ASCC3: variants seen among roughly 807,000 people sequenced by gnomAD.
ASCC3 encodes the protein ASC-1 complex subunit P200.
In ASCC3, 158 loss-of-function variants were observed where a neutral mutation model predicts 256.3. The observed-to-expected ratio is 0.62, with a 90% CI of 0.54 to 0.70. The LOEUF (loss-of-function observed/expected upper bound fraction) is 0.70, where lower values mean the gene tolerates loss of function less well. ASCC3 is among the 30% of genes least tolerant of loss of function. ASCC3 has a pLI of 0.00. For missense variants in ASCC3, 2,259 were observed against 2,626.0 expected (o/e 0.86, Z 3.05); for synonymous variants, 948 against 883.4 (o/e 1.07, Z -1.30).
intron 30 of ASCC3, among the ~76,000 whole-genome samples, chr6:100,608,144 AT>A (rs1208628866): frequency 1.6e-5 from 2 of 124,990 alleles, no homozygotes; most frequent in East Asian, 4.7e-4. Context: ...ATGTATATAT[AT>A]CTATATATAC....
chr6:100,670,599 G>C (rs1354047532), intron 14 of ASCC3, among the ~76,000 whole-genome samples: 1 of 122,020 alleles, frequency 8.2e-6, no homozygotes. Context: ...CTGCAGAAAA[G>C]TCATCTGTGC....
At chr6:100,829,979 G>T (rs977891598) in intron 4 of ASCC3, among the ~76,000 whole-genome samples, 9 of 151,992 alleles carry the variant, frequency 5.9e-5, no homozygotes, top group African/African-American at 2.2e-4. Flanking sequence ...GATAATCAAG[G>T]AGGCTACTAA....
intron 3 of ASCC3, among the ~76,000 whole-genome samples, chr6:100,855,562 T>G (rs777980002): frequency 6.6e-6 from 1 of 152,232 alleles, no homozygotes; most frequent in Non-Finnish European, 1.5e-5. Context: ...TGGACATAAA[T>G]ATAACACCTC....
intron 3 of ASCC3, among the ~76,000 whole-genome samples, chr6:100,863,456 A>C (rs1260137983): frequency 6.6e-6 from 1 of 152,190 alleles, no homozygotes; most frequent in Non-Finnish European, 1.5e-5. Context: ...CTACATTAAA[A>C]TTTTAATTTA....
intron 4 of ASCC3, among the ~76,000 whole-genome samples, chr6:100,825,273 ATT>A (rs71028036): frequency 0.029 from 4,123 of 141,316 alleles, 178 homozygotes; most frequent in African/African-American, 0.095. Flanking sequence ...TTCTTTTGTG[ATT>A]TTTTTTTTTT....
At chr6:100,677,158 G>A (rs1777066739) in intron 14 of ASCC3, among the ~76,000 whole-genome samples, 1 of 152,040 alleles carries the variant, frequency 6.6e-6, no homozygotes, top group African/African-American at 2.4e-5. Context: ...GAAATATGAA[G>A]GAATGTACTA....
intron 13 of ASCC3, among the ~76,000 whole-genome samples, chr6:100,685,059 G>A (rs372839625): frequency 3.3e-5 from 5 of 152,014 alleles, no homozygotes; most frequent in South Asian, 2.1e-4. Context: ...CGCCAGCCTC[G>A]GCCTCCCAAA....
At chr6:100,620,735 C>T (rs1464075448) in intron 30 of ASCC3, among the ~76,000 whole-genome samples, 1 of 152,168 alleles carries the variant, frequency 6.6e-6, no homozygotes, top group Non-Finnish European at 1.5e-5. Context: ...TAACCAATTA[C>T]CCATGTCCTG....
chr6:100,527,766 TC>T (rs1774655736), intron 37 of ASCC3, among the ~76,000 whole-genome samples: 1 of 152,004 alleles, frequency 6.6e-6, no homozygotes, highest in Non-Finnish European at 1.5e-5. Flanking sequence ...TTCTTTTTCT[TC>T]CCTTATTCTT....
intron 13 of ASCC3, among the ~76,000 whole-genome samples, chr6:100,706,613 T>G (rs948946292): frequency 3.3e-5 from 5 of 151,980 alleles, no homozygotes; most frequent in African/African-American, 1.2e-4. Flanking sequence ...CAGTCGTGCT[T>G]TCCAAGTACC....
intron 13 of ASCC3, among the ~76,000 whole-genome samples, chr6:100,699,192 G>A (rs534602862): frequency 2.6e-5 from 4 of 152,254 alleles, no homozygotes; most frequent in South Asian, 2.1e-4. Flanking sequence ...ATCTTGAATC[G>A]TAATGTAACT....
intron 4 of ASCC3, among the ~76,000 whole-genome samples, chr6:100,811,173 C>T (rs189677262): frequency 6.6e-6 from 1 of 152,276 alleles, no homozygotes; most frequent in East Asian, 1.9e-4. Context: ...ATTTGTCCAA[C>T]TCCAGTTTTT....
intron 8 of ASCC3, among the ~76,000 whole-genome samples, chr6:100,776,716 CA>C (rs1487186490): frequency 6.6e-6 from 1 of 151,824 alleles, no homozygotes; most frequent in African/African-American, 2.4e-5. Context: ...AAACATACCT[CA>C]TTTTTTATAA....
chr6:100,861,499 CAT>C (rs1773221946), intron 3 of ASCC3, among the ~76,000 whole-genome samples: 1 of 152,108 alleles, frequency 6.6e-6, no homozygotes, highest in South Asian at 2.1e-4. Context: ...ACATTTTCCA[CAT>C]GAGACTAATC....
chr6:100,732,980 C>G (rs1311355011), intron 10 of ASCC3, among the ~76,000 whole-genome samples: 1 of 152,068 alleles, frequency 6.6e-6, no homozygotes, highest in East Asian at 1.9e-4. Flanking sequence ...GATCAAGGAA[C>G]AATTATTTGC....
intron 10 of ASCC3, among the ~76,000 whole-genome samples, chr6:100,753,655 G>C (rs949541747): frequency 1.3e-5 from 2 of 152,100 alleles, no homozygotes; most frequent in African/African-American, 4.8e-5. Context: ...TGGTACTGCA[G>C]GCTCTTGCCA....
intron 26 of ASCC3, among the ~76,000 whole-genome samples, chr6:100,630,511 T>A (rs1582596219): frequency 6.6e-6 from 1 of 151,296 alleles, no homozygotes; most frequent in African/African-American, 2.4e-5. Flanking sequence ...TCTTTGGAGA[T>A]CATTCTTTCC....
chr6:100,516,832 T>C (rs1251215946), intron 38 of ASCC3, among the ~76,000 whole-genome samples: 1 of 152,010 alleles, frequency 6.6e-6, no homozygotes, highest in Non-Finnish European at 1.5e-5. Flanking sequence ...AGAAGAAAAA[T>C]ATAATTGAAA....
intron 4 of ASCC3, among the ~76,000 whole-genome samples, chr6:100,823,111 C>T (rs1387477966): frequency 6.6e-6 from 1 of 152,080 alleles, no homozygotes; most frequent in East Asian, 1.9e-4. Context: ...CAAGATGATC[C>T]CATCAGAATT....
Sources: allele counts gnomAD v4.1 joint callset (sites outside exome capture counted in the v4.1 genomes callset), GRCh38; gene constraint gnomAD v4.1.1; transcripts MANE v1.5; gene names NCBI Gene and HGNC (gene_info 2026-07-23, HGNC 2026-07-21).